GRB10: variants seen among roughly 807,000 people sequenced by gnomAD.
GRB10 encodes the protein growth factor receptor-bound protein 10.
A neutral mutation model predicts 80.9 loss-of-function variants in GRB10; 20 were observed. That is an observed-to-expected ratio of 0.25 (90% CI 0.17 to 0.36). GRB10 has a LOEUF of 0.36. Among genes scored for constraint, GRB10 ranks in the 10% least tolerant of loss-of-function variants. The probability of loss-of-function intolerance (pLI) is 1.00; values close to 1 mark genes in which losing one functional copy is unlikely to be tolerated. For synonymous variants in GRB10, 291 were observed against 291.5 expected (o/e 1.00, Z 0.02); for missense variants, 548 against 747.7 (o/e 0.73, Z 3.12).
intron 17 of GRB10, among the ~76,000 whole-genome samples, chr7:50,599,177 G>C (rs994112032): frequency 6.6e-6 from 1 of 152,174 alleles, no homozygotes; most frequent in African/African-American, 2.4e-5. Context: ...TGCATGGGTG[G>C]GGACGGGGAT....
chr7:50,616,123 A>C, intron 11 of GRB10, 87 bp downstream of exon 11: 2 of 1,498,706 alleles, frequency 1.3e-6, no homozygotes, highest in Non-Finnish European at 1.9e-6. Flanking sequence ...AGGTGCATTT[A>C]AAAATGAAGC....
chr7:50,628,609 G>C (rs2053439302), intron 7 of GRB10, among the ~76,000 whole-genome samples: 1 of 152,088 alleles, frequency 6.6e-6, no homozygotes. Context: ...GAGAGCGGAA[G>C]AGCCCTTCTC....
chr7:50,662,345 GA>G (rs982116131), intron 7 of GRB10, among the ~76,000 whole-genome samples: 10 of 152,364 alleles, frequency 6.6e-5, no homozygotes, highest in African/African-American at 2.2e-4. Context: ...TAAGTGGAAT[GA>G]AAGTCTGCCA....
intron 2 of GRB10, among the ~76,000 whole-genome samples, chr7:50,764,522 G>C (rs1350700365): frequency 6.6e-6 from 1 of 152,194 alleles, no homozygotes; most frequent in Non-Finnish European, 1.5e-5. Context: ...CCTCCAGCAT[G>C]GAAAGCAGCA....
intron 7 of GRB10, among the ~76,000 whole-genome samples, chr7:50,646,334 T>C (rs1206783126): frequency 6.6e-6 from 1 of 152,038 alleles, no homozygotes; most frequent in Non-Finnish European, 1.5e-5. Flanking sequence ...AACACAACAC[T>C]ATGAAGCTGC....
intron 18 of GRB10, among the ~76,000 whole-genome samples, chr7:50,593,474 C>G (rs1385054776): frequency 6.6e-6 from 1 of 152,116 alleles, no homozygotes; most frequent in Non-Finnish European, 1.5e-5. Flanking sequence ...GAAGACTGCA[C>G]AAACCTGGGT....
At chr7:50,619,325 G>C in intron 8 of GRB10, 40 bp from the exon 9 acceptor site, 2 of 1,112,232 alleles carry the variant, frequency 1.8e-6, no homozygotes, top group Non-Finnish European at 2.8e-6. Flanking sequence ...GCAACAGGTG[G>C]GAAATTCATG....
chr7:50,622,990 A>G (rs935770722), intron 8 of GRB10, among the ~76,000 whole-genome samples: 1 of 152,120 alleles, frequency 6.6e-6, no homozygotes, highest in Non-Finnish European at 1.5e-5. Context: ...TGTTTACTTG[A>G]TATGTCTGCA....
chr7:50,616,142 A>G, intron 11 of GRB10, 68 bp downstream of exon 11: 1 of 1,579,548 alleles, frequency 6.3e-7, no homozygotes, highest in Non-Finnish European at 8.7e-7. Flanking sequence ...GCCCAGGTTC[A>G]CTCTGAGGAC....
At chr7:50,701,511 A>G (rs1243646737) in intron 5 of GRB10, among the ~76,000 whole-genome samples, 2 of 152,176 alleles carry the variant, frequency 1.3e-5, no homozygotes, top group African/African-American at 4.8e-5. Context: ...GGATCACTTG[A>G]GTCTAGGAGT....
rs537493779 is a variant in GRB10, at chr7:50,643,379, C to A, written c.505-16401G>T. Among the ~76,000 whole-genome samples, 124 of 152,240 alleles carry A rather than the reference C, an allele frequency of 8.1e-4. 1 individual carries two copies. The highest frequency in any genetic ancestry group is 2.9e-3 in the African/African-American group (119 of 41,530). On this transcript the variant is annotated intron_variant, in intron 7 of 18. Coordinates refer to ENST00000401949, the MANE Select transcript of GRB10 (RefSeq NM_001350814.2). ...GGGCCACAGCCTCCTGTCTGTGGAC[C>A]AGATGGGACTCCAAGGAAACACCAC...
chr7:50,723,078 T>G (rs2068016431), intron 4 of GRB10, among the ~76,000 whole-genome samples: 1 of 152,204 alleles, frequency 6.6e-6, no homozygotes, highest in African/African-American at 2.4e-5. Context: ...TATATAAAAT[T>G]TACTTTTCTT....
intron 5 of GRB10, among the ~76,000 whole-genome samples, chr7:50,675,607 G>A (rs1433277722): frequency 6.6e-6 from 1 of 152,202 alleles, no homozygotes; most frequent in Non-Finnish European, 1.5e-5. Flanking sequence ...GGGAAAGATG[G>A]AATTCTGCCT....
intron 3 of GRB10, among the ~76,000 whole-genome samples, chr7:50,746,056 G>A (rs2072834796): frequency 6.6e-6 from 1 of 152,218 alleles, no homozygotes; most frequent in Non-Finnish European, 1.5e-5. Context: ...GCCACTGAGA[G>A]TAGGATGTGG....
intron 4 of GRB10, 46 bp from the exon 5 acceptor site, chr7:50,703,954 G>T (rs774857410): frequency 1.5e-6 from 2 of 1,337,094 alleles, no homozygotes; most frequent in East Asian, 2.3e-5. Context: ...TTCACAAGAA[G>T]CATCCCACTC....
intron 17 of GRB10, among the ~76,000 whole-genome samples, chr7:50,597,275 G>A (rs554734081): frequency 1.3e-5 from 2 of 152,302 alleles, no homozygotes; most frequent in Admixed American, 1.3e-4. Context: ...GGGAAACACC[G>A]ATCAGAATGG....
At chr7:50,656,950 G>A (rs1227008617) in intron 7 of GRB10, among the ~76,000 whole-genome samples, 5 of 152,194 alleles carry the variant, frequency 3.3e-5, no homozygotes, top group Admixed American at 2.6e-4. Flanking sequence ...GGCAACAGCT[G>A]CACTCCAGGC....
chr7:50,743,135 G>C (rs1210560166), intron 3 of GRB10, among the ~76,000 whole-genome samples: 1 of 152,208 alleles, frequency 6.6e-6, no homozygotes, highest in Non-Finnish European at 1.5e-5. Context: ...ATGGGAGAAG[G>C]GGGAGAAGGG....
intron 7 of GRB10, among the ~76,000 whole-genome samples, chr7:50,642,313 CACAT>C (rs951767045): frequency 6.6e-5 from 10 of 151,890 alleles, no homozygotes; most frequent in Admixed American, 2.6e-4. Context: ...CACACACACA[CACAT>C]ACAAACACAT....
Sources: allele counts gnomAD v4.1 joint callset (sites outside exome capture counted in the v4.1 genomes callset), GRCh38; gene constraint gnomAD v4.1.1; transcripts MANE v1.5; gene names NCBI Gene and HGNC (gene_info 2026-07-23, HGNC 2026-07-21).